The following SPSB4 variants were observed in gnomAD, a reference collection of about 807,000 sequenced individuals.
SPSB4 encodes the protein SPRY domain-containing SOCS box protein 4.
In SPSB4, 21 loss-of-function variants were observed where a neutral mutation model predicts 20.9. The ratio of observed to expected loss-of-function variants is 1.01; its 90% CI spans 0.71 to 1.45. The LOEUF (loss-of-function observed/expected upper bound fraction) is 1.45, where lower values mean the gene tolerates loss of function less well. Ranked by LOEUF, SPSB4 falls within the 40% of genes most tolerant of loss-of-function variation. The probability of loss-of-function intolerance (pLI) is 0.00; values close to 1 mark genes in which losing one functional copy is unlikely to be tolerated. For missense variants in SPSB4, 399 were observed against 399.2 expected, an observed-to-expected ratio of 1.00 and a Z score of 0.00; for synonymous variants, 207 against 183.8, an observed-to-expected ratio of 1.13 and a Z score of -1.02.
chr3:141,072,615 C>T (rs933449396), intron 2 of SPSB4, among the ~76,000 whole-genome samples: 5 of 152,178 alleles, frequency 3.3e-5, no homozygotes, highest in Admixed American at 3.3e-4. Flanking sequence ...AGAAGCCGTG[C>T]CATGTTTGTA....
intron 2 of SPSB4, among the ~76,000 whole-genome samples, chr3:141,089,292 A>G (rs933872037): frequency 1.2e-4 from 19 of 152,218 alleles, no homozygotes; most frequent in Non-Finnish European, 2.6e-4. Flanking sequence ...ATTTGCAGCC[A>G]CAAAGATTGG....
intron 1 of SPSB4, among the ~76,000 whole-genome samples, chr3:141,055,021 C>A (rs1180417017): frequency 6.6e-6 from 1 of 151,964 alleles, no homozygotes; most frequent in Admixed American, 6.5e-5. Flanking sequence ...AGTCCTTCTT[C>A]AGTCTGACAA....
intron 1 of SPSB4, among the ~76,000 whole-genome samples, chr3:141,052,885 C>T (rs536985009): frequency 2.6e-5 from 4 of 152,350 alleles, no homozygotes; most frequent in African/African-American, 9.6e-5. Context: ...GCCGAGCCCC[C>T]GACCTCTGAC....
At chr3:141,099,584 A>G (rs1455649429) in intron 2 of SPSB4, among the ~76,000 whole-genome samples, 2 of 152,230 alleles carry the variant, frequency 1.3e-5, no homozygotes, top group Non-Finnish European at 2.9e-5. Flanking sequence ...CTGATGCTGA[A>G]TGCCATCTGA....
chr3:141,097,964 C>T (rs564835045), intron 2 of SPSB4, among the ~76,000 whole-genome samples: 4 of 152,260 alleles, frequency 2.6e-5, no homozygotes, highest in Admixed American at 2.0e-4. Flanking sequence ...TTACATGAAA[C>T]AAAAACAGGC....
intron 2 of SPSB4, among the ~76,000 whole-genome samples, chr3:141,140,806 G>A (rs865898822): frequency 4.1e-4 from 61 of 149,348 alleles, no homozygotes; most frequent in African/African-American, 8.8e-4. Context: ...CAGTCTGCCC[G>A]TTCTCAGATC....
intron 2 of SPSB4, among the ~76,000 whole-genome samples, chr3:141,085,096 AG>A (rs1938315301): frequency 6.6e-6 from 1 of 152,218 alleles, no homozygotes; most frequent in Non-Finnish European, 1.5e-5. Context: ...CCAAATAGAT[AG>A]GGTGGCAGAA....
intron 2 of SPSB4, among the ~76,000 whole-genome samples, chr3:141,145,890 T>C (rs575525934): frequency 6.5e-4 from 99 of 152,278 alleles, no homozygotes; most frequent in Admixed American, 1.3e-3. Context: ...TCCCCACCCT[T>C]ATGTGCCTTT....
chr3:141,054,584 T>G (rs182715734), intron 1 of SPSB4, among the ~76,000 whole-genome samples: 73 of 152,346 alleles, frequency 4.8e-4, no homozygotes, highest in Non-Finnish European at 8.1e-4. Context: ...CCAGTTATCA[T>G]GAACTTTGTG....
intron 2 of SPSB4, among the ~76,000 whole-genome samples, chr3:141,120,002 A>T (rs149979314): frequency 0.01 from 1,533 of 151,754 alleles, 20 homozygotes; most frequent in African/African-American, 0.035. Context: ...TTTCATTGTG[A>T]TGTTAGGGTG....
intron 2 of SPSB4, among the ~76,000 whole-genome samples, chr3:141,113,355 A>T (rs1282387520): frequency 6.6e-6 from 1 of 152,228 alleles, no homozygotes; most frequent in Non-Finnish European, 1.5e-5. Context: ...TAGCAGCACC[A>T]TTCACAACAG....
chr3:141,090,311 C>T (rs1177359144), intron 2 of SPSB4, among the ~76,000 whole-genome samples: 1 of 152,162 alleles, frequency 6.6e-6, no homozygotes, highest in African/African-American at 2.4e-5. Flanking sequence ...AGTCTCTGTC[C>T]TCATGAAGCT....
chr3:141,122,528 G>A (rs1938985106), intron 2 of SPSB4, among the ~76,000 whole-genome samples: 2 of 152,244 alleles, frequency 1.3e-5, no homozygotes, highest in Non-Finnish European at 2.9e-5. Flanking sequence ...GCCCACAGAG[G>A]TGGAATCTAC....
At chr3:141,105,438 T>C (rs1938672598) in intron 2 of SPSB4, among the ~76,000 whole-genome samples, 1 of 152,230 alleles carries the variant, frequency 6.6e-6, no homozygotes, top group Admixed American at 6.5e-5. Context: ...GTTTCATTTA[T>C]TGGGTACTTG....
At chr3:141,140,826 G>A (rs1279226004) in intron 2 of SPSB4, among the ~76,000 whole-genome samples, 15 of 151,940 alleles carry the variant, frequency 9.9e-5, no homozygotes, top group East Asian at 3.9e-4. Flanking sequence ...CTCAAGCTGC[G>A]TGCTGGGAGA....
At chr3:141,080,514 T>C (rs953385416) in intron 2 of SPSB4, 1 of 152,450 alleles carries the variant, frequency 6.6e-6, no homozygotes, top group Non-Finnish European at 1.5e-5. Flanking sequence ...CCGACCTCTG[T>C]AGCTGTGACA....
At position 141,127,097 on chromosome 3, in the gene SPSB4, T is replaced by A. The variant is rs187753278; in HGVS notation, c.695-20045T>A. ...GACACAAACCCCAGTAGGACCTGAG[T>A]CTCCAGTGCCTGCCTGAAGCCAGTC... On this transcript the variant is annotated intron_variant, in intron 2 of 2. Coordinates refer to ENST00000310546, the MANE Select transcript of SPSB4 (RefSeq NM_080862.3). Among the ~76,000 whole-genome samples, 349 of 152,244 alleles carry A rather than the reference T, an allele frequency of 2.3e-3. 1 individual carries two copies. Among genetic ancestry groups the A allele is most frequent in the African/African-American group, 8.1e-3 (338 of 41,536 alleles).
intron 2 of SPSB4, among the ~76,000 whole-genome samples, chr3:141,131,182 A>G (rs989426808): frequency 2.0e-5 from 3 of 152,140 alleles, no homozygotes; most frequent in Admixed American, 6.6e-5. Context: ...TTTACAGATG[A>G]TAAAAATGTG....
chr3:141,131,526 A>C (rs1939129832), intron 2 of SPSB4, among the ~76,000 whole-genome samples: 1 of 143,436 alleles, frequency 7.0e-6, no homozygotes. Flanking sequence ...CCCCATCACT[A>C]CTCCCTTAAG....
Sources: allele counts gnomAD v4.1 joint callset (sites outside exome capture counted in the v4.1 genomes callset), GRCh38; gene constraint gnomAD v4.1.1; transcripts MANE v1.5; gene names NCBI Gene and HGNC (gene_info 2026-07-23, HGNC 2026-07-21).